Variants in ANXA9 observed in about 807,000 individuals in gnomAD.
The protein encoded by ANXA9 is annexin A9.
In ANXA9, 47 loss-of-function variants were observed where a neutral mutation model predicts 51.8. The observed-to-expected ratio is 0.91, with a 90% CI of 0.72 to 1.16. The LOEUF (loss-of-function observed/expected upper bound fraction) is 1.16, where lower values mean the gene tolerates loss of function less well. Ranked by LOEUF, ANXA9 falls within the 50% of genes most tolerant of loss-of-function variation. The pLI is 0.00. For missense variants in ANXA9, 361 were observed against 424.7 expected (o/e 0.85, Z 1.32); for synonymous variants, 154 against 168.7 (o/e 0.91, Z 0.68).
chr1:150,987,016 T>A (rs1327596096), intron 9 of ANXA9, among the ~76,000 whole-genome samples: 1 of 152,144 alleles, frequency 6.6e-6, no homozygotes, highest in African/African-American at 2.4e-5. Flanking sequence ...CAGAGCCCTC[T>A]CTTAGCCCTA....
At chr1:150,984,231 G>A (rs756241527) in intron 5 of ANXA9, 50 bp from the exon 6 acceptor site, 1 of 1,577,746 alleles carries the variant, frequency 6.3e-7, no homozygotes, top group South Asian at 1.1e-5. Flanking sequence ...ACACTTCTGG[G>A]GCCCTTCCCC....
chr1:150,991,566 G>A (rs1483948338), intron 12 of ANXA9, among the ~76,000 whole-genome samples: 3 of 147,238 alleles, frequency 2.0e-5, no homozygotes, highest in Non-Finnish European at 3.0e-5. Flanking sequence ...CCTTTGAGAT[G>A]GAGTCTCACT....
Position 150,986,360 on chromosome 1 carries a change from A to G in ANXA9, c.497A>G (p.Asp166Gly), listed in dbSNP as rs267733. The change falls in exon 8 of 14, where the codon GAC becomes GGC. Residue 166 changes from aspartate (D) to glycine (G), a missense_variant. Transcript: ENST00000368947. Reference sequence around the variant, plus strand: ...GATTTCCAGGTGGAGGCTGTGGATGACATCACATCTGAGACCAGTGGCATC... The same window carrying G: ...GATTTCCAGGTGGAGGCTGTGGATGGCATCACATCTGAGACCAGTGGCATC... ...KHNFQVEAVD[D>G]ITSETSGILQ... is the part of the protein sequence containing the mutation. 0.14 allele frequency: 229,619 copies of G among 1,613,636 alleles called. 17,620 individuals carry two copies. Among genetic ancestry groups the G allele is most frequent in the Non-Finnish European group, 0.16 (187,898 of 1,179,606 alleles).
At chr1:150,982,179 C>T (rs1671426030), upstream of ANXA9, 1 of 152,506 alleles carries the variant, frequency 6.6e-6, no homozygotes, top group African/African-American at 2.4e-5. Context: ...CTCTGTACAG[C>T]CCGGTCCTCT....
chr1:150,994,952 C>G, intron 13 of ANXA9: 1 of 416,388 alleles, frequency 2.4e-6, no homozygotes, highest in Non-Finnish European at 3.2e-6. Context: ...ATTAGCCAGG[C>G]ATGGTGGCGT....
Position 150,983,412 on chromosome 1 carries a change from A to G in ANXA9, c.150A>G (p.Leu50=). The change falls in exon 4 of 14, where the codon CTA becomes CTG. Residue 50 remains leucine, a synonymous_variant. Coordinates refer to ENST00000368947, the MANE Select transcript of ANXA9 (RefSeq NM_003568.3). Reference sequence around the variant, plus strand: ...GCGTGGACAAGGATGCGCAGAGGCTACTGAGGGCCATTACTGGCCAAGGTG... The same window carrying G: ...GCGTGGACAAGGATGCGCAGAGGCTGCTGAGGGCCATTACTGGCCAAGGTG... ...NFSVDKDAQR[L]LRAITGQGVD... is the part of the protein sequence containing the mutation. The G allele has an allele frequency of 6.2e-7, 1 of 1,612,892 alleles. No individual in the cohort carries two copies. Among genetic ancestry groups the G allele is most frequent in the South Asian group, 1.1e-5 (1 of 90,748 alleles).
chr1:150,985,219 C>G (rs934088192), intron 7 of ANXA9, among the ~76,000 whole-genome samples: 2 of 145,086 alleles, frequency 1.4e-5, no homozygotes, highest in Non-Finnish European at 3.1e-5. Flanking sequence ...CACACACACA[C>G]AAATAAAGAG....
chr1:150,983,164 T>A lies in ANXA9; in HGVS notation c.59T>A (p.Leu20Gln), dbSNP rs1319671787. The A allele has an allele frequency of 3.1e-6, 5 of 1,614,140 alleles. No homozygotes were observed. The highest frequency in any genetic ancestry group is 4.2e-6 in the Non-Finnish European group (5 of 1,179,986). ...CTCACCCAGGAGATCCTCAGCCACCTGGGCCTGGCCAGCAAGGTAGGGGCT... is the reference window on the plus strand; with the variant it reads ...CTCACCCAGGAGATCCTCAGCCACCAGGGCCTGGCCAGCAAGGTAGGGGCT... ...PSLTQEILSHLGLASKTAAWG... is the reference protein window; with the variant it reads ...PSLTQEILSHQGLASKTAAWG... Residue 20 changes from leucine to glutamine, a missense_variant, in exon 3 of 14, where the codon CTG (leucine) becomes CAG (glutamine). Transcript: ENST00000368947.
intron 12 of ANXA9, among the ~76,000 whole-genome samples, chr1:150,988,778 T>A (rs11204754): frequency 6.6e-6 from 1 of 151,882 alleles, no homozygotes; most frequent in Non-Finnish European, 1.5e-5. Context: ...CCGTATCTTA[T>A]AGATGAAAAA....
upstream of ANXA9, among the ~76,000 whole-genome samples, chr1:150,978,425 G>C (rs1671369491): frequency 6.6e-6 from 1 of 152,134 alleles, no homozygotes; most frequent in Non-Finnish European, 1.5e-5. Context: ...GTAAGACTCG[G>C]TCTCAATAAA....
chr1:150,986,647 G>C lies in ANXA9; in HGVS notation c.598G>C (p.Glu200Gln). The C allele has an allele frequency of 6.3e-7, 1 of 1,597,322 alleles. No individual in the cohort carries two copies. Among genetic ancestry groups the C allele is most frequent in the Non-Finnish European group, 8.5e-7 (1 of 1,175,504 alleles). Residue 200 changes from glutamate (E) to glutamine (Q), a missense_variant, in exon 9 of 14, where the codon GAA becomes CAA. Glu to Gln is a conservative substitution (Grantham distance 29). Transcript: ENST00000368947. ...YSGIIDYNLAEQDVQALQRAE... is the reference protein window; with the variant it reads ...YSGIIDYNLAQQDVQALQRAE... ...TGGAATCATTGACTATAATCTGGCA[G>C]AACAAGATGTCCAGGTGAGCAGGGG...
rs1371251936 is a variant in ANXA9 at position 150,985,198 on chromosome 1, A to T, written c.472+522A>T. ...CTCTCTCTCTCTCTCTCTCACACAC[A>T]CACACACACACACACACACACAAAT... On this transcript the variant is annotated intron_variant, in intron 7 of 13. Coordinates refer to ENST00000368947, the MANE Select transcript of ANXA9 (RefSeq NM_003568.3). Among the ~76,000 whole-genome samples, 619 of 151,388 alleles carry T rather than the reference A, an allele frequency of 4.1e-3. 1 individual carries two copies. The highest frequency in any genetic ancestry group is 5.3e-3 in the Admixed American group (80 of 15,138).
intron 5 of ANXA9, 85 bp from the exon 6 acceptor site, chr1:150,984,196 C>G: frequency 1.3e-6 from 2 of 1,539,382 alleles, no homozygotes; most frequent in Non-Finnish European, 1.8e-6. Context: ...AGATGAAAAC[C>G]AGCCAAATCT....
chr1:150,983,983 C>T lies in ANXA9; in HGVS notation c.181C>T (p.Arg61Cys), dbSNP rs746398932. The T allele has an allele frequency of 8.5e-5, 137 of 1,612,174 alleles. No individual in the cohort carries two copies. The highest frequency in any genetic ancestry group is 1.1e-4 in the Non-Finnish European group (134 of 1,179,476). ...LRAITGQGVDRSAIVDVLTNR... is the reference protein window; with the variant it reads ...LRAITGQGVDCSAIVDVLTNR... Reference sequence around the variant, plus strand: ...CCCTCATCTCGGTTCAGGCGTGGACCGCAGTGCCATTGTGGACGTGCTGAC... The same window carrying T: ...CCCTCATCTCGGTTCAGGCGTGGACTGCAGTGCCATTGTGGACGTGCTGAC... The change falls in exon 5 of 14, where the codon CGC (arginine) becomes TGC (cysteine). Residue 61 changes from arginine (R) to cysteine (C), a missense_variant. Arg to Cys is a radical substitution (Grantham distance 180). Coordinates refer to ENST00000368947, the MANE Select transcript of ANXA9 (RefSeq NM_003568.3).
upstream of ANXA9, among the ~76,000 whole-genome samples, chr1:150,981,528 C>T (rs1159848460): frequency 6.6e-6 from 1 of 152,212 alleles, no homozygotes; most frequent in Non-Finnish European, 1.5e-5. Context: ...AGTCCAGCTG[C>T]TGGGGTTGCA....
In ANXA9 at chr1:150,994,666, G is replaced by C; in HGVS notation, c.942G>C (p.Lys314Asn). The change falls in exon 13 of 14, where the codon AAG becomes AAC. Residue 314 changes from lysine (K) to asparagine (N), a missense_variant. Physicochemically the swap from Lys to Asn is moderately conservative, Grantham distance 94. Coordinates refer to ENST00000368947, the MANE Select transcript of ANXA9 (RefSeq NM_003568.3). ...DLLSIRAEFR[K>N]KFGKSLYSSL... is the part of the protein sequence containing the mutation. ...TGAGTATCAGAGCTGAGTTCAGGAAGAAATTTGGGAAGTCCCTCTACTCTT... is the reference window on the plus strand; with the variant it reads ...TGAGTATCAGAGCTGAGTTCAGGAACAAATTTGGGAAGTCCCTCTACTCTT... The C allele has an allele frequency of 6.2e-7, 1 of 1,614,072 alleles. No individual in the cohort carries two copies.
At chr1:150,992,661 T>C (rs1281776105) in intron 12 of ANXA9, among the ~76,000 whole-genome samples, 1 of 151,194 alleles carries the variant, frequency 6.6e-6, no homozygotes, top group Non-Finnish European at 1.5e-5. Context: ...AATAAAAAAA[T>C]TAGCTGGGCG....
At chr1:150,992,466 T>A (rs1671729869) in intron 12 of ANXA9, among the ~76,000 whole-genome samples, 1 of 152,134 alleles carries the variant, frequency 6.6e-6, no homozygotes, top group Admixed American at 6.6e-5. Context: ...GGAGAATTGC[T>A]TGAACCTGGG....
At position 150,988,338 on chromosome 1, in the gene ANXA9, C is replaced by T; in HGVS notation, c.849C>T (p.Leu283=). The change falls in exon 12 of 14, where the codon CTC becomes CTT. Residue 283 remains leucine, a synonymous_variant. Coordinates refer to ENST00000368947, the MANE Select transcript of ANXA9 (RefSeq NM_003568.3). ...TTGCTGACAAACTTCATCAAGCCCT[C>T]CAGGTGAGAGGGGCACTCCTTTCCC... ...LYFADKLHQA[L]QETEPNYQVL... The T allele has an allele frequency of 6.2e-7, 1 of 1,614,000 alleles. No homozygotes were observed. The highest frequency in any genetic ancestry group is 8.5e-7 in the Non-Finnish European group (1 of 1,180,030).
Sources: gnomAD v4.1 joint callset for allele counts (sites outside exome capture counted in the v4.1 genomes callset) on GRCh38, gnomAD v4.1.1 for gene constraint, MANE v1.5 for transcripts, NCBI Gene and HGNC (gene_info 2026-07-23, HGNC 2026-07-21) for gene names.